The following AMPH variants were observed in gnomAD, a reference collection of about 807,000 sequenced individuals.
AMPH encodes amphiphysin (Stiff-Mann syndrome with breast cancer 128kD autoantigen).
In AMPH, 49 loss-of-function variants were observed where a neutral mutation model predicts 99.1. The ratio of observed to expected loss-of-function variants is 0.49; its 90% CI spans 0.39 to 0.63. The LOEUF (loss-of-function observed/expected upper bound fraction) is 0.63, where lower values mean the gene tolerates loss of function less well. Ranked by LOEUF, AMPH falls within the 20% of genes least tolerant of loss-of-function variation. The pLI is 0.00. For synonymous variants in AMPH, 314 were observed against 317.3 expected, an observed-to-expected ratio of 0.99 and a Z score of 0.11; for missense variants, 759 against 863.4, an observed-to-expected ratio of 0.88 and a Z score of 1.52.
At chr7:38,402,845 C>T (rs1445466564) in intron 17 of AMPH, among the ~76,000 whole-genome samples, 13 of 152,170 alleles carry the variant, frequency 8.5e-5, no homozygotes, top group Admixed American at 7.2e-4. Context: ...CTAGAATATA[C>T]TTTTGAAATG....
chr7:38,440,371 T>C (rs183978949), intron 11 of AMPH, among the ~76,000 whole-genome samples: 1 of 152,076 alleles, frequency 6.6e-6, no homozygotes, highest in African/African-American at 2.4e-5. Context: ...ACAAACAAAA[T>C]CAGAAAGAAT....
intron 1 of AMPH, among the ~76,000 whole-genome samples, chr7:38,606,857 G>A (rs1416785996): frequency 6.6e-6 from 1 of 152,100 alleles, no homozygotes. Flanking sequence ...TTACAGGTAT[G>A]AGCCACCGTG....
intron 14 of AMPH, chr7:38,428,193 G>C: frequency 2.2e-6 from 1 of 456,700 alleles, no homozygotes; most frequent in South Asian, 1.5e-5. Flanking sequence ...TTGGCCATCT[G>C]GTATACCAGA....
Position 38,471,550 on chromosome 7 carries a change from T to C in AMPH, c.590+3781A>G, listed in dbSNP as rs375799340. ...GAAAGTTTTCTACACTTGGCAGTAA[T>C]GGAGGAATAGAGAAACAAAAAAGAC... On this transcript the variant is annotated intron_variant, in intron 7 of 20. Coordinates refer to ENST00000356264, the MANE Select transcript of AMPH (RefSeq NM_001635.4). 4.6e-5 allele frequency among the ~76,000 whole-genome samples: 7 copies of C among 152,192 alleles called. 1 individual carries two copies. Among genetic ancestry groups the C allele is most frequent in the African/African-American group, 1.7e-4 (7 of 41,528 alleles).
rs147040630 is a variant in AMPH at position 38,470,881 on chromosome 7, T to C, written c.590+4450A>G. On this transcript the variant is annotated intron_variant, in intron 7 of 20. Coordinates refer to ENST00000356264, the MANE Select transcript of AMPH (RefSeq NM_001635.4). ...ACTTCCCTAAACATCCAAACTATAGTCTGAGTTACACCATCTCATGTCACT... is the reference window on the plus strand; with the variant it reads ...ACTTCCCTAAACATCCAAACTATAGCCTGAGTTACACCATCTCATGTCACT... Among the ~76,000 whole-genome samples, 868 of 152,308 alleles carry C rather than the reference T, an allele frequency of 5.7e-3. 7 individuals carry two copies. The highest frequency in any genetic ancestry group is 0.02 in the African/African-American group (816 of 41,568).
intron 1 of AMPH, among the ~76,000 whole-genome samples, chr7:38,580,709 C>A (rs1396548302): frequency 6.6e-6 from 1 of 151,218 alleles, no homozygotes; most frequent in Non-Finnish European, 1.5e-5. Context: ...ATGACGATGA[C>A]GATAAGGGTC....
intron 9 of AMPH, among the ~76,000 whole-genome samples, chr7:38,463,677 T>A (rs1229192355): frequency 6.6e-6 from 1 of 152,254 alleles, no homozygotes; most frequent in Non-Finnish European, 1.5e-5. Context: ...ATAAACTCAC[T>A]AATTATTTCT....
At chr7:38,628,867 G>A (rs555897874) in intron 1 of AMPH, among the ~76,000 whole-genome samples, 1 of 152,174 alleles carries the variant, frequency 6.6e-6, no homozygotes, top group Non-Finnish European at 1.5e-5. Flanking sequence ...AGAAAAAAAC[G>A]TATTTAAAAT....
At chr7:38,404,733 CAG>C (rs1161957691) in intron 17 of AMPH, among the ~76,000 whole-genome samples, 1 of 152,168 alleles carries the variant, frequency 6.6e-6, no homozygotes, top group African/African-American at 2.4e-5. Flanking sequence ...TACAAAAAGA[CAG>C]AGTGTTTTGA....
At chr7:38,457,964 C>T (rs1371711581) in intron 11 of AMPH, among the ~76,000 whole-genome samples, 1 of 151,928 alleles carries the variant, frequency 6.6e-6, no homozygotes, top group African/African-American at 2.4e-5. Flanking sequence ...ATATATATGT[C>T]ATACAATGAC....
chr7:38,392,090 C>T (rs868194542), intron 18 of AMPH, 73 bp from the exon 19 acceptor site: 3 of 1,505,218 alleles, frequency 2.0e-6, no homozygotes, highest in South Asian at 1.2e-5. Context: ...GCACAACCTG[C>T]CTTAGCCCCC....
intron 1 of AMPH, among the ~76,000 whole-genome samples, chr7:38,572,773 G>T (rs1481114066): frequency 6.6e-6 from 1 of 152,068 alleles, no homozygotes; most frequent in Non-Finnish European, 1.5e-5. Context: ...CCTCTCATTG[G>T]CCAATCCCAG....
intron 2 of AMPH, among the ~76,000 whole-genome samples, chr7:38,516,956 C>T (rs777454304): frequency 1.7e-4 from 26 of 152,128 alleles, no homozygotes; most frequent in Non-Finnish European, 3.4e-4. Flanking sequence ...TTTTTTTGAT[C>T]AATTTATCCC....
chr7:38,470,699 G>T (rs1036080729), intron 7 of AMPH, among the ~76,000 whole-genome samples: 6 of 151,938 alleles, frequency 3.9e-5, no homozygotes, highest in Admixed American at 3.9e-4. Flanking sequence ...CACCCATATG[G>T]TAATGACTCC....
At position 38,515,633 on chromosome 7, in the gene AMPH, G is replaced by A. The variant is rs193270833; in HGVS notation, c.151-11929C>T. ...AAATAATATGAATAATTGGCACCAA[G>A]CAGTGGGGCATTGCTATAAAGATAC... is the stretch of plus-strand genomic sequence containing the variant. On this transcript the variant is annotated intron_variant, in intron 2 of 20. Transcript: ENST00000356264. Among the ~76,000 whole-genome samples the A allele has an allele frequency of 1.1e-3, 170 of 152,264 alleles. 1 individual carries two copies. Among genetic ancestry groups the A allele is most frequent in the Non-Finnish European group, 2.0e-3 (134 of 68,024 alleles).
chr7:38,603,438 G>T (rs1314571099), intron 1 of AMPH, among the ~76,000 whole-genome samples: 3 of 152,090 alleles, frequency 2.0e-5, no homozygotes, highest in Non-Finnish European at 4.4e-5. Flanking sequence ...AAAGAAAGAG[G>T]CTACATGAAC....
At chr7:38,607,095 A>G (rs1793461679) in intron 1 of AMPH, among the ~76,000 whole-genome samples, 2 of 152,182 alleles carry the variant, frequency 1.3e-5, no homozygotes, top group African/African-American at 4.8e-5. Flanking sequence ...CCAACTCTTC[A>G]AAATGTGACT....
intron 2 of AMPH, among the ~76,000 whole-genome samples, chr7:38,515,412 C>T (rs1193512619): frequency 5.9e-5 from 9 of 152,188 alleles, no homozygotes; most frequent in Non-Finnish European, 1.5e-5. Flanking sequence ...GTAGCACTTC[C>T]TCCTTCACTC....
intron 1 of AMPH, among the ~76,000 whole-genome samples, chr7:38,591,717 G>A (rs56377601): frequency 1.3e-5 from 2 of 151,954 alleles, no homozygotes; most frequent in South Asian, 2.1e-4. Context: ...ACCAAACTGC[G>A]GACAAGCCTA....
Sources: gnomAD v4.1 joint callset for allele counts (sites outside exome capture counted in the v4.1 genomes callset) on GRCh38, gnomAD v4.1.1 for gene constraint, MANE v1.5 for transcripts, NCBI Gene and HGNC (gene_info 2026-07-23, HGNC 2026-07-21) for gene names.